Variants in DISC1 observed in about 807,000 individuals in gnomAD.
DISC1 encodes disrupted in schizophrenia 1 protein.
In DISC1, 57 loss-of-function variants were observed where a neutral mutation model predicts 84.5. The observed-to-expected ratio is 0.67, with a 90% CI of 0.55 to 0.84. DISC1 has a LOEUF of 0.84. Ranked by LOEUF, DISC1 falls within the 40% of genes least tolerant of loss-of-function variation. DISC1 has a pLI of 0.00. For synonymous variants in DISC1, 411 were observed against 415.2 expected (o/e 0.99, Z 0.12); for missense variants, 1,000 against 1,057.8 (o/e 0.95, Z 0.76).
At position 232,023,705 on chromosome 1, in the gene DISC1, T is replaced by C. The variant is rs78522919; in HGVS notation, c.2308-2730T>C. Among the ~76,000 whole-genome samples the C allele has an allele frequency of 6.9e-3, 1,047 of 152,312 alleles. 39 individuals carry two copies. The East Asian group carries it at 0.11, about 16-fold the overall frequency. On this transcript the variant is annotated intron_variant, in intron 11 of 12. Coordinates refer to ENST00000439617, the MANE Select transcript of DISC1 (RefSeq NM_018662.3). ...TTTCATATTTGTTGTAGCCGTAAGA[T>C]GAAGATTGAGTCATTTGATTTCGTT...
chr1:231,779,554 T>G (rs1188153418), intron 6 of DISC1, among the ~76,000 whole-genome samples: 3 of 136,888 alleles, frequency 2.2e-5, no homozygotes, highest in East Asian at 2.1e-4. Flanking sequence ...TTCTTGTTTT[T>G]TTTTTTTTTT....
intron 12 of DISC1, among the ~76,000 whole-genome samples, chr1:232,028,068 T>C (rs1472320979): frequency 6.6e-6 from 1 of 152,198 alleles, no homozygotes; most frequent in African/African-American, 2.4e-5. Flanking sequence ...TTAAAAATCT[T>C]GTATTTAAGC....
intron 1 of DISC1, among the ~76,000 whole-genome samples, chr1:231,668,590 T>C (rs1299043150): frequency 6.6e-6 from 1 of 152,166 alleles, no homozygotes; most frequent in African/African-American, 2.4e-5. Flanking sequence ...TAGTGCATCT[T>C]TAACCTTCTC....
chr1:231,728,945 A>G (rs1296364476), intron 3 of DISC1, among the ~76,000 whole-genome samples: 1 of 152,092 alleles, frequency 6.6e-6, no homozygotes, highest in Admixed American at 6.5e-5. Flanking sequence ...TGCACCCATT[A>G]ACTCGTCATT....
At position 231,770,832 on chromosome 1, in the gene DISC1, C is replaced by T. The variant is rs2076504301; in HGVS notation, c.1399-3C>T. ...TAAAATCTTGTCTCCTCATTCTCTACAGAAAGAAATCGAAGCTCTCCAAGC... is the reference window on the plus strand; with the variant it reads ...TAAAATCTTGTCTCCTCATTCTCTATAGAAAGAAATCGAAGCTCTCCAAGC... On this transcript the variant is annotated splice_region_variant and splice_polypyrimidine_tract_variant and intron_variant, in intron 5 of 12. Transcript: ENST00000439617. 3 of 1,613,672 alleles carry T rather than the reference C, an allele frequency of 1.9e-6. No homozygotes were observed. Among genetic ancestry groups the T allele is most frequent in the African/African-American group, 1.3e-5 (1 of 74,912 alleles).
At chr1:231,794,317 C>T (rs2078592785) in intron 6 of DISC1, among the ~76,000 whole-genome samples, 1 of 151,894 alleles carries the variant, frequency 6.6e-6, no homozygotes, top group Admixed American at 6.6e-5. Flanking sequence ...CACCAATCTC[C>T]TAGTTCTAAA....
At chr1:231,868,972 C>T (rs982237291) in intron 9 of DISC1, among the ~76,000 whole-genome samples, 3 of 151,304 alleles carry the variant, frequency 2.0e-5, no homozygotes, top group Non-Finnish European at 2.9e-5. Flanking sequence ...TAATAATAAT[C>T]AGGACAAGAG....
chr1:231,808,488 C>A (rs1283473311), intron 8 of DISC1, among the ~76,000 whole-genome samples: 1 of 152,224 alleles, frequency 6.6e-6, no homozygotes, highest in African/African-American at 2.4e-5. Flanking sequence ...GGCTGAGAGA[C>A]TTCATTGTTT....
rs2065985630 is a variant in DISC1, at chr1:231,698,459, T to C, written c.1048-3496T>C. Among the ~76,000 whole-genome samples, 1 of 152,012 alleles carries C rather than the reference T, an allele frequency of 6.6e-6. No individual in the cohort carries two copies. On this transcript the variant is annotated intron_variant, in intron 2 of 12. Coordinates refer to ENST00000439617, the MANE Select transcript of DISC1 (RefSeq NM_018662.3). This position sits in a 1 kb window ranked among gnomAD's most constrained non-coding sequence, Gnocchi z 4.9. The stretch of plus-strand genomic sequence containing the variant: ...GCAAGGTAGGCTCCACCTAAGGCCA[T>C]GGAAACTGGTGAAAAATGAAGGACT...
chr1:231,658,049 G>T (rs1205980142), intron 1 of DISC1, among the ~76,000 whole-genome samples: 1 of 152,158 alleles, frequency 6.6e-6, no homozygotes, highest in Admixed American at 6.5e-5. Flanking sequence ...GAATAGCATT[G>T]AATCTATAAA....
intron 1 of DISC1, among the ~76,000 whole-genome samples, chr1:231,639,795 T>G (rs1031082829): frequency 1.3e-5 from 2 of 152,214 alleles, no homozygotes; most frequent in African/African-American, 4.8e-5. Flanking sequence ...ACTATAAACT[T>G]GCTTGTATTG....
intron 11 of DISC1, among the ~76,000 whole-genome samples, chr1:232,014,952 A>T (rs1328323082): frequency 5.3e-5 from 8 of 152,252 alleles, no homozygotes; most frequent in Non-Finnish European, 1.0e-4. Context: ...ATATTTAAAT[A>T]TAACTGGCCT....
At chr1:231,821,677 GA>G (rs1231599698) in intron 9 of DISC1, among the ~76,000 whole-genome samples, 1 of 148,990 alleles carries the variant, frequency 6.7e-6, no homozygotes, top group African/African-American at 2.5e-5. Flanking sequence ...AGGGTGGAAT[GA>G]AAAAAATCAG....
In DISC1 at chr1:231,914,585, T is replaced by C. The variant is rs968712754; in HGVS notation, c.1982-44243T>C. On this transcript the variant is annotated intron_variant, in intron 9 of 12. Coordinates refer to ENST00000439617, the MANE Select transcript of DISC1 (RefSeq NM_018662.3). ...ATTGTCCCCACCACAGGAAGAAATA[T>C]TTTTCTTTTAGTTCCTGTCTGTCAG... Among the ~76,000 whole-genome samples, 5 of 152,176 alleles carry C rather than the reference T, an allele frequency of 3.3e-5. No individual in the cohort carries two copies. In the East Asian group the frequency reaches 7.7e-4, roughly 23 times the overall value.
intron 1 of DISC1, among the ~76,000 whole-genome samples, chr1:231,674,116 A>C (rs2062901444): frequency 6.6e-6 from 1 of 152,214 alleles, no homozygotes; most frequent in Non-Finnish European, 1.5e-5. Flanking sequence ...TACCTCATTC[A>C]GTTTTGGCGA....
At chr1:231,726,957 T>G (rs554928081) in intron 3 of DISC1, among the ~76,000 whole-genome samples, 1 of 152,224 alleles carries the variant, frequency 6.6e-6, no homozygotes, top group Non-Finnish European at 1.5e-5. Flanking sequence ...TCAGGATTAT[T>G]CATTAAGAGA....
intron 9 of DISC1, among the ~76,000 whole-genome samples, chr1:231,873,738 A>G (rs1456961055): frequency 1.3e-5 from 2 of 152,238 alleles, no homozygotes; most frequent in Non-Finnish European, 2.9e-5. Flanking sequence ...CTTCACTGCC[A>G]TGGGAGACTG....
At chr1:231,650,127 C>T (rs950979182) in intron 1 of DISC1, among the ~76,000 whole-genome samples, 4 of 152,124 alleles carry the variant, frequency 2.6e-5, no homozygotes, top group Non-Finnish European at 5.9e-5. Context: ...GGTTATTTTA[C>T]CTGTTAGTTG....
At chr1:231,707,149 A>G (rs1204284717) in intron 3 of DISC1, among the ~76,000 whole-genome samples, 1 of 152,206 alleles carries the variant, frequency 6.6e-6, no homozygotes, top group African/African-American at 2.4e-5. Context: ...TGTGGATGCC[A>G]TCTGGGGGCC....
Sources: allele counts gnomAD v4.1 joint callset (sites outside exome capture counted in the v4.1 genomes callset), GRCh38; gene constraint gnomAD v4.1.1; non-coding constraint Gnocchi (gnomAD v3.1); transcripts MANE v1.5; gene names NCBI Gene and HGNC (gene_info 2026-07-23, HGNC 2026-07-21).